Variants in GAREM2 observed in about 807,000 individuals in gnomAD.
GAREM2 encodes the protein GRB2-associated and regulator of MAPK protein 2.
GAREM2 carries 30 observed loss-of-function variants against 55.6 expected under a neutral mutation model. That is an observed-to-expected ratio of 0.54 (90% CI 0.40 to 0.73). GAREM2 has a LOEUF of 0.73. GAREM2 is among the 30% of genes least tolerant of loss of function. The pLI, the probability that GAREM2 is intolerant of heterozygous loss-of-function variation, is 0.00. For synonymous variants in GAREM2, 550 were observed against 569.1 expected, an observed-to-expected ratio of 0.97 and a Z score of 0.48; for missense variants, 1,075 against 1,257.7, an observed-to-expected ratio of 0.85 and a Z score of 2.20.
rs75567134 is a variant in GAREM2, at chr2:26,189,572, T to A, written c.*1315T>A. 6.6e-6 allele frequency: 1 copy of A among 152,186 alleles called. No individual in the cohort carries two copies. The highest frequency in any genetic ancestry group is 6.5e-5 in the Admixed American group (1 of 15,268). The allele number at this position is 152,186 out of a possible 1,614,324, so 9.4% of individuals were successfully genotyped here. A position where few individuals can be genotyped will look rare whatever the true frequency, so the allele number is the denominator to read the frequency against. Reference sequence around the variant, plus strand: ...AGAGTAGAGCACAGAACCTGTGATGTGGGGACATTTGGTTTTCTTGCAGAT... The same window carrying A: ...AGAGTAGAGCACAGAACCTGTGATGAGGGGACATTTGGTTTTCTTGCAGAT... On this transcript the variant is annotated 3_prime_UTR_variant, in exon 6 of 6. Coordinates refer to ENST00000401533, the MANE Select transcript of GAREM2 (RefSeq NM_001168241.2).
chr2:26,193,634 G>A (rs267599303), downstream of GAREM2: 4 of 1,613,868 alleles, frequency 2.5e-6, no homozygotes, highest in Admixed American at 1.7e-5. Context: ...CCTCCAAACC[G>A]CTCCCCAAAG....
intron 2 of GAREM2, among the ~76,000 whole-genome samples, chr2:26,178,470 C>A (rs1668934245): frequency 2.6e-5 from 4 of 152,204 alleles, no homozygotes; most frequent in South Asian, 4.1e-4. Context: ...TGTAGTCTGG[C>A]TACTGGGGAT....
At chr2:26,190,512 C>G (rs945301073), downstream of GAREM2, 1 of 152,864 alleles carries the variant, frequency 6.5e-6, no homozygotes, top group Non-Finnish European at 1.5e-5. Flanking sequence ...TGCAGGATCT[C>G]CGAACATCAA....
chr2:26,187,690 C>T lies in GAREM2; in HGVS notation c.2058C>T (p.Ser686=), dbSNP rs2147742394. ...SAAPPSSCAP[S]SSSSSEWQEP... ...CTCCCCCCTCCTCCTGCGCCCCCTC[C>T]TCCTCCTCTTCTTCTGAATGGCAGG... The change falls in exon 6 of 6, where the codon TCC becomes TCT. Residue 686 remains serine (S), a synonymous_variant. Transcript: ENST00000401533. The T allele has an allele frequency of 1.3e-6, 2 of 1,498,820 alleles. No individual in the cohort carries two copies. The highest frequency in any genetic ancestry group is 1.7e-4 in the Middle Eastern group (1 of 5,734). The allele number at this position is 1,498,820 out of a possible 1,614,324, so 92.8% of individuals were successfully genotyped here.
chr2:26,191,916 A>G (rs970756356), downstream of GAREM2, among the ~76,000 whole-genome samples: 4 of 152,238 alleles, frequency 2.6e-5, no homozygotes, highest in South Asian at 6.2e-4. Flanking sequence ...CACAAATGAT[A>G]ATAAAGATCT....
chr2:26,182,218 T>C, intron 2 of GAREM2: 1 of 1,383,336 alleles, frequency 7.2e-7, no homozygotes, highest in South Asian at 1.7e-5. Context: ...CCGTAAAGTC[T>C]GTGTCTCCTA....
At position 26,173,255 on chromosome 2, in the gene GAREM2, G is replaced by T; in HGVS notation, c.35G>T (p.Arg12Leu). 2.1e-6 allele frequency: 3 copies of T among 1,406,656 alleles called. No individual in the cohort carries two copies. Among genetic ancestry groups the T allele is most frequent in the Non-Finnish European group, 2.8e-6 (3 of 1,075,794 alleles). 87.1% of individuals were successfully genotyped at this position (1,406,656 alleles called of 1,614,324 possible). A position where few individuals can be genotyped will look rare whatever the true frequency, so the allele number is the denominator to read the frequency against. ...CTGGCGGCCGGGCTGGCCGGCCTGC[G>T]CTGGAGCATGGGCGCCTTCCCGCTC... ...EKLAAGLAGL[R>L]WSMGAFPLDL... The change falls in exon 1 of 6, where the codon CGC becomes CTC. Residue 12 changes from arginine (R) to leucine (L), a missense_variant. This residue lies in a region of GAREM2 where 230 missense variants were observed against 310.6 expected (regional missense o/e 0.74). Transcript: ENST00000401533.
downstream of GAREM2, chr2:26,192,459 G>A (rs1164880509): frequency 8.9e-7 from 1 of 1,127,616 alleles, no homozygotes. Context: ...GTTACTATTT[G>A]TTCTCAGGGA....
chr2:26,201,014 G>A, the GAREM2 span: 19 of 747,294 alleles, frequency 2.5e-5, no homozygotes, highest in Non-Finnish European at 4.5e-5. Context: ...TTATAGGCGT[G>A]AGCCACCATG....
At chr2:26,202,692 G>A in the GAREM2 span, among the ~76,000 whole-genome samples, 1 of 152,236 alleles carries the variant, frequency 6.6e-6, no homozygotes. Flanking sequence ...AGTGAGCCAA[G>A]ATTGCACCAT....
chr2:26,185,957 A>C (rs1669238234), intron 4 of GAREM2, among the ~76,000 whole-genome samples: 1 of 152,064 alleles, frequency 6.6e-6, no homozygotes, highest in African/African-American at 2.4e-5. Context: ...ATTTCCAAGG[A>C]ACAGGAAGGA....
rs1234691836 is a variant in GAREM2, at chr2:26,179,205, C to T, written c.253+2721C>T. Among the ~76,000 whole-genome samples the T allele has an allele frequency of 6.6e-6, 1 of 152,182 alleles. No individual in the cohort carries two copies. Among genetic ancestry groups the T allele is most frequent in the African/African-American group, 2.4e-5 (1 of 41,442 alleles). The stretch of plus-strand genomic sequence containing the variant: ...ACTGTCCCCCGTCCCAGCCCCCGCC[C>T]CTGGCCCTGCGGGAGGGGCCAGGCG... On this transcript the variant is annotated intron_variant, in intron 2 of 5. Coordinates refer to ENST00000401533, the MANE Select transcript of GAREM2 (RefSeq NM_001168241.2). The surrounding 1 kb of genome is among the most constrained non-coding windows in gnomAD (Gnocchi z 4.7).
At chr2:26,182,355 C>T in intron 2 of GAREM2, 2 of 1,516,286 alleles carry the variant, frequency 1.3e-6, no homozygotes, top group Non-Finnish European at 1.8e-6. Context: ...GATATTGGAC[C>T]AGGGCAGGGT....
intron 5 of GAREM2, 29 bp from the exon 6 acceptor site, chr2:26,187,202 T>C: frequency 7.0e-7 from 1 of 1,434,972 alleles, no homozygotes; most frequent in South Asian, 1.5e-5. Flanking sequence ...TCACCTGTCC[T>C]ATGTGTGTGT....
the GAREM2 span, among the ~76,000 whole-genome samples, chr2:26,198,952 T>A: frequency 3.3e-5 from 5 of 151,824 alleles, no homozygotes; most frequent in Admixed American, 3.3e-4. Flanking sequence ...TAGAGTGCAG[T>A]GGTGCAATCT....
At chr2:26,195,037 G>T in the GAREM2 span, 1 of 1,367,746 alleles carries the variant, frequency 7.3e-7, no homozygotes, top group South Asian at 1.2e-5. Context: ...GGAGGTAAAA[G>T]GAGTCTTATT....
the GAREM2 span, chr2:26,194,974 G>A: frequency 1.1e-6 from 1 of 939,022 alleles, no homozygotes; most frequent in Non-Finnish European, 1.8e-6. Flanking sequence ...CAACCCAGGG[G>A]AAAATCATAT....
At chr2:26,191,967 G>A (rs533591606), downstream of GAREM2, among the ~76,000 whole-genome samples, 16 of 152,334 alleles carry the variant, frequency 1.1e-4, no homozygotes, top group East Asian at 2.5e-3. Flanking sequence ...CCTTCCAGCG[G>A]CTCTCTGGGA....
chr2:26,193,291 A>AGCT (rs1669564534), downstream of GAREM2, among the ~76,000 whole-genome samples: 1 of 64,442 alleles, frequency 1.6e-5, no homozygotes, highest in African/African-American at 8.5e-5. Flanking sequence ...TTCACATGAC[A>AGCT]TCTTTTTTTT....
Sources: allele counts gnomAD v4.1 joint callset (sites outside exome capture counted in the v4.1 genomes callset), GRCh38; gene constraint gnomAD v4.1.1; regional missense constraint gnomAD v4.1.1; non-coding constraint Gnocchi (gnomAD v3.1); transcripts MANE v1.5; gene names NCBI Gene and HGNC (gene_info 2026-07-23, HGNC 2026-07-21).